The following ARHGAP24 variants were observed in gnomAD, a reference collection of about 807,000 sequenced individuals.
ARHGAP24 encodes rho GTPase-activating protein 24.
A neutral mutation model predicts 76.4 loss-of-function variants in ARHGAP24; 50 were observed. The observed-to-expected ratio is 0.65, with a 90% confidence interval of 0.52 to 0.83. ARHGAP24 has a LOEUF of 0.83. Among genes scored for constraint, ARHGAP24 ranks in the 40% least tolerant of loss-of-function variants. The pLI, the probability that ARHGAP24 is intolerant of heterozygous loss-of-function variation, is 0.00. For synonymous variants in ARHGAP24, 345 were observed against 323.3 expected, an observed-to-expected ratio of 1.07 and a Z score of -0.72; for missense variants, 930 against 914.2, an observed-to-expected ratio of 1.02 and a Z score of -0.22.
intron 2 of ARHGAP24, among the ~76,000 whole-genome samples, chr4:85,573,616 A>C (rs1204054455): frequency 2.6e-5 from 4 of 152,230 alleles, no homozygotes; most frequent in Non-Finnish European, 5.9e-5. Context: ...TATATTGTAG[A>C]ATATCTTTTA....
At chr4:85,684,286 T>C (rs1367604853) in intron 2 of ARHGAP24, among the ~76,000 whole-genome samples, 1 of 152,238 alleles carries the variant, frequency 6.6e-6, no homozygotes, top group Non-Finnish European at 1.5e-5. Context: ...TAAATTACTA[T>C]TTTTATAATG....
At chr4:85,669,586 A>G (rs1446646898) in intron 2 of ARHGAP24, among the ~76,000 whole-genome samples, 1 of 149,488 alleles carries the variant, frequency 6.7e-6, no homozygotes, top group Non-Finnish European at 1.5e-5. Flanking sequence ...GCTTACATAT[A>G]TATTAAAAAT....
intron 3 of ARHGAP24, among the ~76,000 whole-genome samples, chr4:85,894,720 G>T: frequency 6.6e-6 from 1 of 152,066 alleles, no homozygotes; most frequent in Admixed American, 6.6e-5. Flanking sequence ...AGCATTTTGG[G>T]AGACCGAGGT....
At chr4:85,614,791 A>G (rs545954581) in intron 2 of ARHGAP24, among the ~76,000 whole-genome samples, 1 of 152,174 alleles carries the variant, frequency 6.6e-6, no homozygotes, top group East Asian at 1.9e-4. Flanking sequence ...CCTTTTGATA[A>G]TATCATATAT....
At chr4:85,631,375 A>C (rs1037038127) in intron 2 of ARHGAP24, among the ~76,000 whole-genome samples, 4 of 152,100 alleles carry the variant, frequency 2.6e-5, no homozygotes, top group African/African-American at 7.2e-5. Flanking sequence ...AATGTAGTTG[A>C]TAATGTTAGG....
chr4:85,956,410 A>C (rs944312327), intron 5 of ARHGAP24, among the ~76,000 whole-genome samples: 6 of 152,150 alleles, frequency 3.9e-5, no homozygotes, highest in African/African-American at 1.2e-4. Flanking sequence ...TACCCTTGTT[A>C]CCCGGGGGTT....
chr4:85,854,499 C>T (rs143446091), intron 3 of ARHGAP24, among the ~76,000 whole-genome samples: 1,649 of 152,298 alleles, frequency 0.011, 86 homozygotes, highest in Admixed American at 0.092. Context: ...ACATTTCCTA[C>T]CTACTTTATT....
At chr4:85,564,651 G>A (rs1726754588) in intron 1 of ARHGAP24, among the ~76,000 whole-genome samples, 1 of 151,740 alleles carries the variant, frequency 6.6e-6, no homozygotes, top group African/African-American at 2.4e-5. Flanking sequence ...GTTTGGGGAT[G>A]AAACTGTTAC....
intron 4 of ARHGAP24, among the ~76,000 whole-genome samples, chr4:85,929,937 G>A (rs115602498): frequency 6.6e-6 from 1 of 152,204 alleles, no homozygotes; most frequent in Admixed American, 6.5e-5. Context: ...CCAGCCAGCT[G>A]TAAAAGTGCT....
intron 3 of ARHGAP24, among the ~76,000 whole-genome samples, chr4:85,729,523 T>C (rs1451907959): frequency 6.6e-6 from 1 of 152,224 alleles, no homozygotes; most frequent in Non-Finnish European, 1.5e-5. Context: ...AGCATGATCA[T>C]ACGATCCTCC....
chr4:85,648,857 G>A (rs1411437504), intron 2 of ARHGAP24, among the ~76,000 whole-genome samples: 1 of 151,888 alleles, frequency 6.6e-6, no homozygotes, highest in Non-Finnish European at 1.5e-5. Flanking sequence ...ATGTCCTTGG[G>A]GAGCTTCCAC....
At chr4:85,747,435 G>T (rs1726085415) in intron 3 of ARHGAP24, among the ~76,000 whole-genome samples, 2 of 152,298 alleles carry the variant, frequency 1.3e-5, no homozygotes, top group Middle Eastern at 3.4e-3. Context: ...CGGGGGCGGT[G>T]GCTCACACCT....
chr4:85,817,903 A>T (rs1173098717), intron 3 of ARHGAP24, among the ~76,000 whole-genome samples: 1 of 152,192 alleles, frequency 6.6e-6, no homozygotes, highest in Non-Finnish European at 1.5e-5. Context: ...ATCTAAGAAA[A>T]TGTTATAATA....
intron 3 of ARHGAP24, among the ~76,000 whole-genome samples, chr4:85,775,653 A>T (rs1363544846): frequency 6.6e-6 from 1 of 152,144 alleles, no homozygotes; most frequent in Admixed American, 6.5e-5. Flanking sequence ...TCAAGATGAG[A>T]TTTGGTTGGG....
intron 3 of ARHGAP24, among the ~76,000 whole-genome samples, chr4:85,855,283 A>C (rs186961894): frequency 1.3e-5 from 2 of 152,288 alleles, no homozygotes; most frequent in South Asian, 4.1e-4. Context: ...TCATCCCTAA[A>C]CCGCATAAAG....
intron 3 of ARHGAP24, among the ~76,000 whole-genome samples, chr4:85,808,734 C>G (rs892182931): frequency 2.6e-5 from 4 of 152,226 alleles, no homozygotes; most frequent in Admixed American, 6.5e-5. Flanking sequence ...AGCTTTTTGA[C>G]TGATTGCTTT....
chr4:85,853,140 G>T (rs1360835036), intron 3 of ARHGAP24, among the ~76,000 whole-genome samples: 2 of 152,210 alleles, frequency 1.3e-5, no homozygotes, highest in African/African-American at 4.8e-5. Flanking sequence ...CCAAGTTCGA[G>T]CTTCCTGGCT....
chr4:85,622,847 G>C (rs1469368762), intron 2 of ARHGAP24, among the ~76,000 whole-genome samples: 1 of 152,160 alleles, frequency 6.6e-6, no homozygotes, highest in Non-Finnish European at 1.5e-5. Context: ...CTGATGGCCA[G>C]TGATGATGAG....
At chr4:85,750,689 T>TTG (rs1726227898) in intron 3 of ARHGAP24, among the ~76,000 whole-genome samples, 4 of 151,972 alleles carry the variant, frequency 2.6e-5, no homozygotes, top group African/African-American at 9.7e-5. Context: ...AGAGACGGCA[T>TTG]TTCACCATGT....
Sources: gnomAD v4.1 joint callset for allele counts (sites outside exome capture counted in the v4.1 genomes callset) on GRCh38, gnomAD v4.1.1 for gene constraint, MANE v1.5 for transcripts, NCBI Gene and HGNC (gene_info 2026-07-23, HGNC 2026-07-21) for gene names.